CDCA7L: variants seen among roughly 807,000 people sequenced by gnomAD.
CDCA7L encodes cell division cycle associated 7 like, also known as cell division cycle-associated 7-like protein.
A neutral mutation model predicts 57.4 loss-of-function variants in CDCA7L; 44 were observed. That is an observed-to-expected ratio of 0.77 (90% CI 0.60 to 0.98). CDCA7L has a LOEUF of 0.98. CDCA7L is among the 50% of genes least tolerant of loss of function. CDCA7L has a pLI of 0.00. For synonymous variants in CDCA7L, 236 were observed against 202.8 expected (o/e 1.16, Z -1.39); for missense variants, 644 against 580.6 (o/e 1.11, Z -1.12).
rs139406658 is a variant in CDCA7L at position 21,906,670 on chromosome 7, C to G, written c.682-31G>C. On this transcript the variant is annotated intron_variant, in intron 4 of 9. Transcript: ENST00000406877. ...GTTCAGAACAAAAGAAAGAATCTTA[C>G]AAAAATAGGGCTCCAGGTTTAGGTC... 7 of 1,608,812 alleles carry G rather than the reference C, an allele frequency of 4.4e-6. No homozygotes were observed. The East Asian group carries it at 1.6e-4, about 36-fold the overall frequency.
chr7:21,902,342 C>A lies in CDCA7L; in HGVS notation c.1345G>T (p.Glu449Ter). The change falls in exon 10 of 10, where the codon GAG (glutamate) becomes TAG (stop). Residue 449 changes from glutamate to a stop codon, truncating the protein, a stop_gained. Transcript: ENST00000406877. LOFTEE classifies it high-confidence loss of function. Reference protein sequence around the residue: ...VKEYLESLQKELVEDN With the variant: ...VKEYLESLQK ...TCCTCTTAATTGTCTTCTACCAGCT[C>A]CTTTTGTAAGCTGGGAAAAAGATGA... 5.6e-6 allele frequency: 9 copies of A among 1,613,850 alleles called. No individual in the cohort carries two copies. Among genetic ancestry groups the A allele is most frequent in the Non-Finnish European group, 7.6e-6 (9 of 1,179,808 alleles).
chr7:21,914,541 G>A (rs182010897), intron 2 of CDCA7L, among the ~76,000 whole-genome samples: 9 of 152,338 alleles, frequency 5.9e-5, no homozygotes, highest in African/African-American at 1.2e-4. Flanking sequence ...TGAGAGCACA[G>A]ATAGGCAGGA....
At chr7:21,931,812 C>A (rs1437412689) in intron 1 of CDCA7L, among the ~76,000 whole-genome samples, 1 of 152,166 alleles carries the variant, frequency 6.6e-6, no homozygotes, top group Non-Finnish European at 1.5e-5. Flanking sequence ...ATTGCCAGGG[C>A]AATCTGGCAA....
intron 1 of CDCA7L, among the ~76,000 whole-genome samples, chr7:21,925,311 AG>A (rs1785789075): frequency 6.6e-6 from 1 of 152,188 alleles, no homozygotes; most frequent in Admixed American, 6.5e-5. Flanking sequence ...AAGTAAAACA[AG>A]TATTCTTTTC....
In CDCA7L at chr7:21,904,104, T is replaced by C. The variant is rs35898649; in HGVS notation, c.1197+6A>G. 187,345 of 1,588,294 alleles carry C rather than the reference T, an allele frequency of 0.12. 11,560 individuals carry two copies. Among genetic ancestry groups the C allele is most frequent in the Middle Eastern group, 0.14 (813 of 5,908 alleles). ...AATTTACAACAAATGCAAACACTGTTCCTACCGGGTCCAGCAATGCCGATC... is the reference window on the plus strand; with the variant it reads ...AATTTACAACAAATGCAAACACTGTCCCTACCGGGTCCAGCAATGCCGATC... On this transcript the variant is annotated splice_donor_region_variant and intron_variant, in intron 8 of 9. Transcript: ENST00000406877.
At chr7:21,924,492 G>A (rs1049960355) in intron 1 of CDCA7L, among the ~76,000 whole-genome samples, 5 of 152,160 alleles carry the variant, frequency 3.3e-5, no homozygotes, top group Admixed American at 6.6e-5. Flanking sequence ...AACACACCAC[G>A]AAGGGCGAGA....
chr7:21,918,684 T>C (rs2128062747), intron 1 of CDCA7L, among the ~76,000 whole-genome samples: 1 of 139,260 alleles, frequency 7.2e-6, no homozygotes. Flanking sequence ...TCTAGTTGGC[T>C]TGCTTTTGCC....
At chr7:21,909,524 G>A (rs1785248216) in intron 3 of CDCA7L, among the ~76,000 whole-genome samples, 1 of 151,860 alleles carries the variant, frequency 6.6e-6, no homozygotes, top group East Asian at 1.9e-4. Context: ...AAGACACAGG[G>A]AGAAAAAAAA....
intron 2 of CDCA7L, among the ~76,000 whole-genome samples, chr7:21,912,767 A>G (rs533872971): frequency 6.6e-6 from 1 of 152,360 alleles, no homozygotes; most frequent in Admixed American, 6.5e-5. Flanking sequence ...TCTCTCGTGC[A>G]GGAGGTGAGA....
chr7:21,945,020 C>G (rs1460502517), intron 1 of CDCA7L: 1 of 152,112 alleles, frequency 6.6e-6, no homozygotes, highest in Non-Finnish European at 1.5e-5. Context: ...AAACATGTAT[C>G]TCCATTACGA....
intron 1 of CDCA7L, among the ~76,000 whole-genome samples, chr7:21,941,566 CTT>C (rs768473182): frequency 6.6e-6 from 1 of 152,176 alleles, no homozygotes; most frequent in Non-Finnish European, 1.5e-5. Flanking sequence ...CCCAAACTGA[CTT>C]TTACAGGCAG....
chr7:21,928,972 CT>C (rs1254472516), intron 1 of CDCA7L, among the ~76,000 whole-genome samples: 1 of 152,102 alleles, frequency 6.6e-6, no homozygotes, highest in African/African-American at 2.4e-5. Flanking sequence ...AAAGATACTC[CT>C]CGAGAAGAGC....
In CDCA7L at chr7:21,911,678, GTC is replaced by G; in HGVS notation, c.240_241del (p.Glu80AspfsTer2). 6.2e-7 allele frequency: 1 copy of G among 1,613,730 alleles called. No homozygotes were observed. On this transcript the variant is annotated frameshift_variant, in exon 3 of 10. Transcript: ENST00000406877. LOFTEE classifies it high-confidence loss of function. ...CTGCGTAAATCCTGCAAAATCCTCA[GTC>G]TCTGAGTCAGTGTCCTCTATAAAAA...
At chr7:21,912,622 G>A (rs1562625299) in intron 2 of CDCA7L, among the ~76,000 whole-genome samples, 1 of 152,178 alleles carries the variant, frequency 6.6e-6, no homozygotes, top group Non-Finnish European at 1.5e-5. Flanking sequence ...TTCACCAACA[G>A]CGAGCTTCTC....
intron 2 of CDCA7L, among the ~76,000 whole-genome samples, chr7:21,914,725 T>G (rs1413708589): frequency 5.3e-5 from 8 of 152,176 alleles, no homozygotes. Context: ...ATGTGGGGCC[T>G]TGGGCAAGTC....
intron 1 of CDCA7L, among the ~76,000 whole-genome samples, chr7:21,918,477 C>T (rs1785556943): frequency 6.6e-6 from 1 of 152,226 alleles, no homozygotes; most frequent in Non-Finnish European, 1.5e-5. Context: ...AAGGTTCACA[C>T]TGATCAACAT....
intron 1 of CDCA7L, among the ~76,000 whole-genome samples, chr7:21,941,575 G>A (rs1786340439): frequency 6.6e-6 from 1 of 152,154 alleles, no homozygotes; most frequent in Non-Finnish European, 1.5e-5. Flanking sequence ...ACTTTTACAG[G>A]CAGTATAAAG....
In CDCA7L at chr7:21,945,885, G is replaced by C. The variant is rs929316565; in HGVS notation, c.-81C>G. ...CACCACGGCCCGGCGCACCAAGAACGCCCCGCGCCCGAGCAGCTAGCGCGC... is the reference window on the plus strand; with the variant it reads ...CACCACGGCCCGGCGCACCAAGAACCCCCCGCGCCCGAGCAGCTAGCGCGC... On this transcript the variant is annotated 5_prime_UTR_variant, in exon 1 of 10. Coordinates refer to ENST00000406877, the MANE Select transcript of CDCA7L (RefSeq NM_018719.5). The C allele has an allele frequency of 4.1e-6, 6 of 1,460,162 alleles. No homozygotes were observed. The highest frequency in any genetic ancestry group is 4.6e-6 in the Non-Finnish European group (5 of 1,088,672). 90.5% of individuals were successfully genotyped at this position (1,460,162 alleles called of 1,614,324 possible). A position where few individuals can be genotyped will look rare whatever the true frequency, so the allele number is the denominator to read the frequency against.
At position 21,939,287 on chromosome 7, in the gene CDCA7L, A is replaced by G. The variant is rs553913207; in HGVS notation, c.24+6494T>C. ...GAGAGATCAGTGATGGCGGCACAAC[A>G]TTGTGACTATACTTAGTAACACTGA... On this transcript the variant is annotated intron_variant, in intron 1 of 9. Transcript: ENST00000406877. 2.2e-4 allele frequency among the ~76,000 whole-genome samples: 34 copies of G among 152,344 alleles called. No individual in the cohort carries two copies. In the South Asian group the frequency reaches 5.2e-3, roughly 23 times the overall value.
Sources: gnomAD v4.1 joint callset for allele counts (sites outside exome capture counted in the v4.1 genomes callset) on GRCh38, gnomAD v4.1.1 for gene constraint, MANE v1.5 for transcripts, NCBI Gene and HGNC (gene_info 2026-07-23, HGNC 2026-07-21) for gene names.